THSD7B: variants seen among roughly 807,000 people sequenced by gnomAD.
The protein encoded by THSD7B is thrombospondin type 1 domain containing 7B.
A neutral mutation model predicts 213.6 loss-of-function variants in THSD7B; 138 were observed. The ratio of observed to expected loss-of-function variants is 0.65; its 90% confidence interval spans 0.56 to 0.74. The LOEUF is 0.74. Among genes scored for constraint, THSD7B ranks in the 30% least tolerant of loss-of-function variants. THSD7B has a pLI of 0.00. For missense variants in THSD7B, 1,931 were observed against 1,991.5 expected, an observed-to-expected ratio of 0.97 and a Z score of 0.58; for synonymous variants, 742 against 687.0, an observed-to-expected ratio of 1.08 and a Z score of -1.25.
chr2:137,580,004 G>A (rs1200708437), intron 17 of THSD7B, among the ~76,000 whole-genome samples: 3 of 151,914 alleles, frequency 2.0e-5, no homozygotes, highest in Non-Finnish European at 2.9e-5. Context: ...ATATAAAAGT[G>A]TTTAGTTTTT....
At chr2:137,252,510 C>T (rs947327559) in intron 10 of THSD7B, among the ~76,000 whole-genome samples, 5 of 152,026 alleles carry the variant, frequency 3.3e-5, no homozygotes, top group African/African-American at 1.2e-4. Flanking sequence ...CCATGTTGCC[C>T]AGGCTTGTCT....
At chr2:137,387,306 C>T (rs79884349) in intron 12 of THSD7B, among the ~76,000 whole-genome samples, 5,547 of 152,200 alleles carry the variant, frequency 0.036, 138 homozygotes, top group Non-Finnish European at 0.051. Flanking sequence ...CCTGTTTCTC[C>T]GTCATTCCCT....
chr2:137,298,129 C>A (rs768053520), intron 12 of THSD7B, among the ~76,000 whole-genome samples: 1 of 152,130 alleles, frequency 6.6e-6, no homozygotes, highest in Non-Finnish European at 1.5e-5. Context: ...GTGATATGAA[C>A]AATAAAGGCC....
At chr2:137,361,828 A>G (rs1017251990) in intron 12 of THSD7B, among the ~76,000 whole-genome samples, 3 of 152,324 alleles carry the variant, frequency 2.0e-5, no homozygotes, top group Admixed American at 1.3e-4. Context: ...TATCCAGGAG[A>G]ACTTCCCCAA....
At chr2:137,198,853 C>A (rs1436610340) in intron 7 of THSD7B, among the ~76,000 whole-genome samples, 1 of 152,094 alleles carries the variant, frequency 6.6e-6, no homozygotes, top group East Asian at 1.9e-4. Context: ...AGAATTTAAA[C>A]CACCTTACTG....
intron 14 of THSD7B, among the ~76,000 whole-genome samples, chr2:137,423,415 C>G: frequency 6.6e-6 from 1 of 151,876 alleles, no homozygotes; most frequent in East Asian, 1.9e-4. Flanking sequence ...CAGAAAGAAG[C>G]TATTAAAGCT....
chr2:136,800,121 C>G (rs1217388598), intron 1 of THSD7B, among the ~76,000 whole-genome samples: 1 of 151,922 alleles, frequency 6.6e-6, no homozygotes, highest in African/African-American at 2.4e-5. Context: ...TAAAGAAACG[C>G]TAATTGGTTA....
intron 2 of THSD7B, among the ~76,000 whole-genome samples, chr2:136,936,542 C>CTAT (rs1041563812): frequency 1.4e-4 from 21 of 152,080 alleles, no homozygotes; most frequent in African/African-American, 4.8e-4. Flanking sequence ...GGATTGGAGA[C>CTAT]TATTATTCTA....
At chr2:137,253,961 G>A (rs572786874) in intron 10 of THSD7B, among the ~76,000 whole-genome samples, 3 of 151,888 alleles carry the variant, frequency 2.0e-5, no homozygotes, top group South Asian at 2.1e-4. Context: ...TTAAACATTG[G>A]GATCTTAATA....
At chr2:137,117,325 A>G (rs1028616926) in intron 5 of THSD7B, among the ~76,000 whole-genome samples, 3 of 152,208 alleles carry the variant, frequency 2.0e-5, no homozygotes, top group Admixed American at 2.0e-4. Flanking sequence ...CAGAGGAACA[A>G]TTGAATTTTT....
intron 20 of THSD7B, among the ~76,000 whole-genome samples, chr2:137,628,262 T>G (rs985845951): frequency 1.3e-5 from 2 of 152,192 alleles, no homozygotes; most frequent in African/African-American, 4.8e-5. Flanking sequence ...CTCATCCTTT[T>G]ACTCCTCTCC....
At chr2:137,534,374 A>T (rs2105183907) in intron 15 of THSD7B, among the ~76,000 whole-genome samples, 1 of 151,778 alleles carries the variant, frequency 6.6e-6, no homozygotes, top group South Asian at 2.1e-4. Flanking sequence ...GACCAACCAT[A>T]AGTTGCACTC....
chr2:137,397,254 T>C (rs1384365212), intron 12 of THSD7B, among the ~76,000 whole-genome samples: 1 of 152,152 alleles, frequency 6.6e-6, no homozygotes, highest in Non-Finnish European at 1.5e-5. Context: ...AGTTTCTTCC[T>C]AGTCTCGATG....
chr2:137,509,999 A>G (rs1167570367), intron 15 of THSD7B, among the ~76,000 whole-genome samples: 2 of 151,856 alleles, frequency 1.3e-5, no homozygotes, highest in African/African-American at 2.4e-5. Context: ...TTTATTTTCA[A>G]CCTATTTATG....
At chr2:136,866,304 A>G (rs1007060414) in intron 1 of THSD7B, among the ~76,000 whole-genome samples, 2 of 152,110 alleles carry the variant, frequency 1.3e-5, no homozygotes, top group African/African-American at 2.4e-5. Flanking sequence ...TTATTCCCGC[A>G]GACATCTTCT....
chr2:137,238,534 C>CTT (rs869146863), intron 9 of THSD7B, among the ~76,000 whole-genome samples: 5,187 of 51,786 alleles, frequency 0.1, 1,476 homozygotes, highest in East Asian at 0.16. Context: ...ACTCATCTTT[C>CTT]TTTTTTTTTT....
intron 17 of THSD7B, among the ~76,000 whole-genome samples, chr2:137,596,793 T>C (rs1011863682): frequency 6.6e-6 from 1 of 152,166 alleles, no homozygotes; most frequent in African/African-American, 2.4e-5. Context: ...GGCTATGTTC[T>C]GTGGTCCAGT....
chr2:137,333,870 A>G (rs1684574118), intron 12 of THSD7B, among the ~76,000 whole-genome samples: 1 of 152,220 alleles, frequency 6.6e-6, no homozygotes, highest in Non-Finnish European at 1.5e-5. Context: ...GGGGTGGGGC[A>G]GCAAAGAGGA....
At chr2:137,015,635 G>A (rs941537148) in intron 2 of THSD7B, among the ~76,000 whole-genome samples, 1 of 152,110 alleles carries the variant, frequency 6.6e-6, no homozygotes, top group Non-Finnish European at 1.5e-5. Flanking sequence ...GGTAATTGCT[G>A]TCTTCCTGGT....
Sources: allele counts gnomAD v4.1 joint callset (sites outside exome capture counted in the v4.1 genomes callset), GRCh38; gene constraint gnomAD v4.1.1; transcripts MANE v1.5; gene names NCBI Gene and HGNC (gene_info 2026-07-23, HGNC 2026-07-21).